The following CSMD1 variants were observed in gnomAD, a reference collection of about 807,000 sequenced individuals.
The protein encoded by CSMD1 is CUB and sushi domain-containing protein 1.
In CSMD1, 213 loss-of-function variants were observed where a neutral mutation model predicts 417.5. The observed-to-expected ratio is 0.51, with a 90% confidence interval of 0.46 to 0.57. The LOEUF is 0.57. Among genes scored for constraint, CSMD1 ranks in the 20% least tolerant of loss-of-function variants. The pLI is 0.00. For missense variants in CSMD1, 6,923 were observed against 4,529.7 expected, an observed-to-expected ratio of 1.53 and a Z score of -15.17; for synonymous variants, 2,862 against 1,736.8, an observed-to-expected ratio of 1.65 and a Z score of -16.11.
intron 2 of CSMD1, among the ~76,000 whole-genome samples, chr8:4,609,085 G>C (rs760373119): frequency 6.6e-6 from 1 of 152,032 alleles, no homozygotes; most frequent in Non-Finnish European, 1.5e-5. Context: ...AGGTTACTGA[G>C]TTTTAGTTTT....
intron 1 of CSMD1, among the ~76,000 whole-genome samples, chr8:4,706,170 A>G (rs1294152368): frequency 1.3e-5 from 2 of 151,150 alleles, no homozygotes; most frequent in Non-Finnish European, 3.0e-5. Context: ...TATACTGTAC[A>G]TATATATTTT....
intron 3 of CSMD1, among the ~76,000 whole-genome samples, chr8:4,257,204 G>T (rs1377947589): frequency 0.036 from 21 of 580 alleles, no homozygotes; most frequent in African/African-American, 0.048. Flanking sequence ...TTTTAAGCAT[G>T]AGAGTTTTAT....
chr8:4,912,925 A>T (rs954081892), intron 1 of CSMD1, among the ~76,000 whole-genome samples: 14 of 152,264 alleles, frequency 9.2e-5, no homozygotes, highest in African/African-American at 3.1e-4. Flanking sequence ...AGCTGGGACT[A>T]CAGGCACCCA....
chr8:4,284,495 T>G (rs1032095164), intron 3 of CSMD1, among the ~76,000 whole-genome samples: 3 of 152,088 alleles, frequency 2.0e-5, no homozygotes, highest in Non-Finnish European at 4.4e-5. Flanking sequence ...ATGTTGCTTT[T>G]GCGCACCATG....
intron 7 of CSMD1, among the ~76,000 whole-genome samples, chr8:3,643,657 C>A (rs1488753895): frequency 6.9e-6 from 1 of 144,014 alleles, no homozygotes; most frequent in African/African-American, 2.6e-5. Context: ...GCCGAGATCG[C>A]GCCACTGCAC....
chr8:3,968,060 G>A lies in CSMD1; in HGVS notation c.818+29843C>T, dbSNP rs959798591. 5.3e-5 allele frequency among the ~76,000 whole-genome samples: 8 copies of A among 149,696 alleles called. No individual in the cohort carries two copies. The East Asian group carries it at 9.8e-4, about 18-fold the overall frequency. ...AAATTAGCCGGGAGTGGTGGCGGGC[G>A]CCTGTAGTCCCAGCTCCTCGGCAGG... On this transcript the variant is annotated intron_variant, in intron 5 of 69. Transcript: ENST00000635120.
intron 5 of CSMD1, among the ~76,000 whole-genome samples, chr8:3,958,268 T>C (rs2740843): frequency 0.47 from 70,758 of 150,928 alleles, 17,208 homozygotes; most frequent in East Asian, 0.79. Context: ...AATATTACAA[T>C]GTGGTTTTTT....
intron 1 of CSMD1, among the ~76,000 whole-genome samples, chr8:4,833,216 G>A (rs534222204): frequency 5.1e-4 from 77 of 152,294 alleles, no homozygotes; most frequent in African/African-American, 1.7e-3. Flanking sequence ...AAAGAAAAGT[G>A]GATTAACTGA....
intron 1 of CSMD1, among the ~76,000 whole-genome samples, chr8:4,819,622 A>T (rs1478339900): frequency 6.6e-6 from 1 of 152,176 alleles, no homozygotes; most frequent in Non-Finnish European, 1.5e-5. Flanking sequence ...TTAAGATTGG[A>T]ATATCAAATA....
chr8:3,362,333 C>A (rs917275905), intron 20 of CSMD1, among the ~76,000 whole-genome samples: 2 of 152,198 alleles, frequency 1.3e-5, no homozygotes, highest in Non-Finnish European at 2.9e-5. Context: ...TCCTTCACAG[C>A]CTTCCACTCA....
intron 3 of CSMD1, among the ~76,000 whole-genome samples, chr8:4,049,025 G>A (rs1424802192): frequency 6.6e-6 from 1 of 152,104 alleles, no homozygotes; most frequent in Non-Finnish European, 1.5e-5. Context: ...ACCTTTTCAA[G>A]ACTCACCACC....
At chr8:4,836,934 C>A (rs1373131999) in intron 1 of CSMD1, among the ~76,000 whole-genome samples, 1 of 152,038 alleles carries the variant, frequency 6.6e-6, no homozygotes, top group Non-Finnish European at 1.5e-5. Context: ...TAATGGGAAA[C>A]CTCCATGGCT....
chr8:3,715,714 T>A (rs1010663619), intron 6 of CSMD1, among the ~76,000 whole-genome samples: 1 of 152,126 alleles, frequency 6.6e-6, no homozygotes, highest in African/African-American at 2.4e-5. Context: ...ACCTATTTTT[T>A]GTATTTTTAG....
intron 37 of CSMD1, among the ~76,000 whole-genome samples, chr8:3,178,710 C>G (rs1463321912): frequency 1.3e-5 from 2 of 152,016 alleles, no homozygotes; most frequent in Non-Finnish European, 2.9e-5. Flanking sequence ...TAGAGCAAGA[C>G]CTGGCATAGA....
chr8:4,948,369 A>G (rs1808506498), intron 1 of CSMD1, among the ~76,000 whole-genome samples: 1 of 151,964 alleles, frequency 6.6e-6, no homozygotes, highest in Non-Finnish European at 1.5e-5. Flanking sequence ...TCTTAGAATA[A>G]TTGTTTATAT....
chr8:3,405,849 T>C (rs1171693609), intron 15 of CSMD1, among the ~76,000 whole-genome samples, 178 bp downstream of exon 15: 1 of 152,178 alleles, frequency 6.6e-6, no homozygotes, highest in African/African-American at 2.4e-5. Context: ...GACACCTGGA[T>C]CTCAGACTTC....
intron 7 of CSMD1, among the ~76,000 whole-genome samples, chr8:3,676,773 T>C (rs1401197798): frequency 2.0e-5 from 3 of 152,104 alleles, no homozygotes; most frequent in Non-Finnish European, 4.4e-5. Context: ...CCAACCCAAA[T>C]GCCCATCAAT....
chr8:4,461,506 T>A (rs1381849621), intron 2 of CSMD1, among the ~76,000 whole-genome samples: 2 of 132,438 alleles, frequency 1.5e-5, no homozygotes, highest in Non-Finnish European at 3.0e-5. Flanking sequence ...CCAGCAAGGT[T>A]ACAGAGTAGA....
At chr8:4,321,878 A>G (rs988325885) in intron 3 of CSMD1, among the ~76,000 whole-genome samples, 1 of 152,156 alleles carries the variant, frequency 6.6e-6, no homozygotes. Flanking sequence ...AATAAATAAT[A>G]TATCATCATT....
Sources: allele counts gnomAD v4.1 joint callset (sites outside exome capture counted in the v4.1 genomes callset), GRCh38; gene constraint gnomAD v4.1.1; transcripts MANE v1.5; gene names NCBI Gene and HGNC (gene_info 2026-07-23, HGNC 2026-07-21).